CNTNAP2: variants seen among roughly 807,000 people sequenced by gnomAD.
The protein encoded by CNTNAP2 is contactin-associated protein-like 2.
CNTNAP2 carries 98 observed loss-of-function variants against 155.2 expected under a neutral mutation model. That is an observed-to-expected ratio of 0.63 (90% CI 0.54 to 0.75). The LOEUF (loss-of-function observed/expected upper bound fraction) is 0.75. Among genes scored for constraint, CNTNAP2 ranks in the 30% least tolerant of loss-of-function variants. CNTNAP2 has a pLI of 0.00. For synonymous variants in CNTNAP2, 651 were observed against 631.2 expected, an observed-to-expected ratio of 1.03 and a Z score of -0.47; for missense variants, 1,727 against 1,688.1, an observed-to-expected ratio of 1.02 and a Z score of -0.40.
At chr7:146,564,956 C>T (rs777318785) in intron 1 of CNTNAP2, among the ~76,000 whole-genome samples, 3 of 152,054 alleles carry the variant, frequency 2.0e-5, no homozygotes, top group Non-Finnish European at 4.4e-5. Flanking sequence ...CTCAAGATCA[C>T]GTGGCTAGGA....
intron 1 of CNTNAP2, among the ~76,000 whole-genome samples, chr7:146,556,681 T>C (rs1798203086): frequency 6.6e-6 from 1 of 152,186 alleles, no homozygotes; most frequent in African/African-American, 2.4e-5. Flanking sequence ...CTGAAACTGA[T>C]GTTTCCTTGA....
chr7:147,172,338 A>G (rs575498473), intron 8 of CNTNAP2, among the ~76,000 whole-genome samples: 2 of 152,182 alleles, frequency 1.3e-5, no homozygotes, highest in Non-Finnish European at 1.5e-5. Flanking sequence ...GAAGGGTACA[A>G]TTCTCTGTAG....
chr7:147,758,312 T>G (rs1264808586), intron 13 of CNTNAP2, among the ~76,000 whole-genome samples: 1 of 152,230 alleles, frequency 6.6e-6, no homozygotes, highest in Non-Finnish European at 1.5e-5. Context: ...CTTAAAAGAT[T>G]ACTGATAATG....
At chr7:147,225,732 TAGGAAGGAAAGAAGGA>T (rs1803506378) in intron 8 of CNTNAP2, among the ~76,000 whole-genome samples, 1 of 136,848 alleles carries the variant, frequency 7.3e-6, no homozygotes, top group Non-Finnish European at 1.5e-5. Flanking sequence ...TACTTTAAGT[TAGGAAGGAAAGAAGGA>T]AGGAAGGAAG....
intron 21 of CNTNAP2, among the ~76,000 whole-genome samples, chr7:148,270,378 T>C (rs1159142157): frequency 6.6e-6 from 1 of 152,190 alleles, no homozygotes; most frequent in African/African-American, 2.4e-5. Flanking sequence ...CATAAATACC[T>C]GTAAGGAGGT....
intron 4 of CNTNAP2, among the ~76,000 whole-genome samples, chr7:147,097,180 A>G (rs1456886121): frequency 6.6e-6 from 1 of 152,220 alleles, no homozygotes; most frequent in Non-Finnish European, 1.5e-5. Context: ...AATAAAAATG[A>G]CATTTTTTCC....
intron 1 of CNTNAP2, among the ~76,000 whole-genome samples, chr7:146,728,876 G>A (rs1183283608): frequency 6.6e-6 from 1 of 152,152 alleles, no homozygotes; most frequent in Non-Finnish European, 1.5e-5. Context: ...TGGCCTCTTA[G>A]TGCCAGGTCG....
At chr7:147,891,315 C>T (rs910455486) in intron 13 of CNTNAP2, among the ~76,000 whole-genome samples, 1 of 152,010 alleles carries the variant, frequency 6.6e-6, no homozygotes, top group Non-Finnish European at 1.5e-5. Context: ...AGCGATTCTC[C>T]TTCCGCGGCC....
intron 3 of CNTNAP2, among the ~76,000 whole-genome samples, chr7:147,031,195 A>G (rs1799025774): frequency 6.6e-6 from 1 of 152,142 alleles, no homozygotes; most frequent in African/African-American, 2.4e-5. Flanking sequence ...AATTATTTTC[A>G]TCCTTTCTTA....
chr7:146,456,501 T>C, intron 1 of CNTNAP2, among the ~76,000 whole-genome samples: 1 of 152,162 alleles, frequency 6.6e-6, no homozygotes, highest in Non-Finnish European at 1.5e-5. Context: ...TATATAAATT[T>C]TCTGAAGTCT....
At chr7:146,537,476 C>T (rs1300248593) in intron 1 of CNTNAP2, among the ~76,000 whole-genome samples, 3 of 151,938 alleles carry the variant, frequency 2.0e-5, no homozygotes. Context: ...TAAAAAGAGC[C>T]TGTCATCATG....
At chr7:148,292,862 C>T (rs1463823651) in intron 21 of CNTNAP2, among the ~76,000 whole-genome samples, 1 of 152,132 alleles carries the variant, frequency 6.6e-6, no homozygotes, top group Non-Finnish European at 1.5e-5. Flanking sequence ...CACTGGGATG[C>T]CCTCCTTAGT....
chr7:146,179,179 G>A (rs1365194375), intron 1 of CNTNAP2, among the ~76,000 whole-genome samples: 1 of 152,174 alleles, frequency 6.6e-6, no homozygotes, highest in Non-Finnish European at 1.5e-5. Flanking sequence ...TAGTAAGAAA[G>A]GGATGGTTTT....
intron 13 of CNTNAP2, among the ~76,000 whole-genome samples, chr7:147,670,635 C>A (rs1226089487): frequency 1.3e-5 from 2 of 152,098 alleles, no homozygotes; most frequent in Non-Finnish European, 2.9e-5. Flanking sequence ...AGAATCTGGC[C>A]AGAGATGGCC....
intron 13 of CNTNAP2, among the ~76,000 whole-genome samples, chr7:147,809,027 T>C (rs1798138500): frequency 6.6e-6 from 1 of 151,946 alleles, no homozygotes; most frequent in Non-Finnish European, 1.5e-5. Context: ...TAGGAGAGGT[T>C]CTCAGCCAAC....
At chr7:147,934,129 G>C (rs1399093499) in intron 14 of CNTNAP2, among the ~76,000 whole-genome samples, 1 of 152,206 alleles carries the variant, frequency 6.6e-6, no homozygotes, top group East Asian at 1.9e-4. Flanking sequence ...ATACAACGTA[G>C]TGCTTACGGT....
At chr7:146,437,848 C>T (rs924788169) in intron 1 of CNTNAP2, among the ~76,000 whole-genome samples, 4 of 149,994 alleles carry the variant, frequency 2.7e-5, no homozygotes, top group African/African-American at 1.0e-4. Context: ...TGGACTAAGA[C>T]ACTGGAAAAC....
At chr7:147,505,273 G>A (rs6970064) in intron 11 of CNTNAP2, among the ~76,000 whole-genome samples, 60,030 of 150,666 alleles carry the variant, frequency 0.4, 12,583 homozygotes, top group African/African-American at 0.44. Flanking sequence ...ATCAATATTT[G>A]CCCAGTGCAA....
intron 13 of CNTNAP2, among the ~76,000 whole-genome samples, chr7:147,873,588 G>A (rs1053905550): frequency 2.6e-5 from 4 of 152,124 alleles, no homozygotes; most frequent in Admixed American, 6.5e-5. Flanking sequence ...CACAACACAT[G>A]GGGATTATGG....
Sources: gnomAD v4.1 joint callset for allele counts (sites outside exome capture counted in the v4.1 genomes callset) on GRCh38, gnomAD v4.1.1 for gene constraint, MANE v1.5 for transcripts, NCBI Gene and HGNC (gene_info 2026-07-23, HGNC 2026-07-21) for gene names.